Variants in ALG9 observed in about 807,000 individuals in gnomAD.
The protein encoded by ALG9 is ALG9 alpha-1,2-mannosyltransferase, also known as alpha-1,2-mannosyltransferase ALG9.
A neutral mutation model predicts 81.8 loss-of-function variants in ALG9; 55 were observed. The observed-to-expected ratio is 0.67, with a 90% CI of 0.54 to 0.84. The LOEUF is 0.84. Among genes scored for constraint, ALG9 ranks in the 40% least tolerant of loss-of-function variants. The pLI is 0.00. For missense variants in ALG9, 629 were observed against 745.0 expected (o/e 0.84, Z 1.81); for synonymous variants, 278 against 274.3 (o/e 1.01, Z -0.13).
downstream of ALG9, among the ~76,000 whole-genome samples, chr11:111,778,947 T>C (rs1472971440): frequency 1.3e-5 from 2 of 152,048 alleles, no homozygotes; most frequent in Non-Finnish European, 2.9e-5. Flanking sequence ...ACTGAGTAGC[T>C]GGGATTACAG....
chr11:111,845,313 T>A (rs546626844), intron 8 of ALG9: 7 of 155,064 alleles, frequency 4.5e-5, no homozygotes, highest in African/African-American at 1.7e-4. Flanking sequence ...CAAATAAAAA[T>A]AAAAATAAGG....
At chr11:111,788,816 A>T (rs2136205263) in intron 14 of ALG9, among the ~76,000 whole-genome samples, 1 of 152,318 alleles carries the variant, frequency 6.6e-6, no homozygotes, top group African/African-American at 2.4e-5. Context: ...AAAGGGTAGA[A>T]CAGAAAGATG....
At chr11:111,854,354 C>T (rs1306158875) in intron 6 of ALG9, among the ~76,000 whole-genome samples, 4 of 150,794 alleles carry the variant, frequency 2.7e-5, no homozygotes, top group African/African-American at 7.3e-5. Context: ...CTGCAACTGC[C>T]GCCTCCTGGG....
chr11:111,788,702 G>C (rs1555067560), intron 14 of ALG9: 1 of 343,084 alleles, frequency 2.9e-6, no homozygotes, highest in African/African-American at 2.2e-5. Context: ...GCAGTGAGCT[G>C]TGATCATGCC....
intron 13 of ALG9, chr11:111,828,768 C>T (rs1340743071): frequency 6.6e-6 from 1 of 152,082 alleles, no homozygotes; most frequent in African/African-American, 2.4e-5. Flanking sequence ...GTGACAGCCC[C>T]CATTACAGTT....
At chr11:111,848,867 G>A (rs1387334324) in intron 8 of ALG9, among the ~76,000 whole-genome samples, 1 of 152,024 alleles carries the variant, frequency 6.6e-6, no homozygotes, top group Non-Finnish European at 1.5e-5. Flanking sequence ...CAGCTCAAGA[G>A]CCGCACCTTT....
At chr11:111,814,899 C>T (rs1453898644) in intron 13 of ALG9, among the ~76,000 whole-genome samples, 4 of 152,202 alleles carry the variant, frequency 2.6e-5, no homozygotes, top group Non-Finnish European at 4.4e-5. Context: ...TTTACAAGTG[C>T]CATGCCTCTG....
At chr11:111,792,889 CACTA>C (rs1197011155) in intron 14 of ALG9, among the ~76,000 whole-genome samples, 15 of 152,186 alleles carry the variant, frequency 9.9e-5, no homozygotes, top group African/African-American at 3.6e-4. Context: ...CACACAAAGC[CACTA>C]ACTAATTTCT....
intron 8 of ALG9, among the ~76,000 whole-genome samples, chr11:111,850,632 G>A (rs189062832): frequency 2.3e-4 from 34 of 147,646 alleles, no homozygotes; most frequent in Non-Finnish European, 4.1e-4. Flanking sequence ...GCTTGAATCC[G>A]GGAGGCAGAG....
At chr11:111,863,247 A>T (rs1227472423) in intron 4 of ALG9, among the ~76,000 whole-genome samples, 1 of 152,056 alleles carries the variant, frequency 6.6e-6, no homozygotes, top group African/African-American at 2.4e-5. Flanking sequence ...AATCCCAGCT[A>T]CTCAGGAGAC....
chr11:111,798,258 A>G (rs1027665991), intron 14 of ALG9: 5 of 268,496 alleles, frequency 1.9e-5, no homozygotes, highest in South Asian at 3.3e-5. Flanking sequence ...TAAAGGTGAA[A>G]GCAGAGCAAG....
chr11:111,776,010 T>C, the ALG9 span, among the ~76,000 whole-genome samples: 2 of 152,130 alleles, frequency 1.3e-5, no homozygotes, highest in African/African-American at 4.8e-5. Flanking sequence ...ATAATAGTTA[T>C]TGACTTCATA....
chr11:111,844,600 C>T lies in ALG9; in HGVS notation c.1018+1G>A. 27 of 1,613,944 alleles carry T rather than the reference C, an allele frequency of 1.7e-5. No homozygotes were observed. Among genetic ancestry groups the T allele is most frequent in the Non-Finnish European group, 2.2e-5 (26 of 1,179,944 alleles). On this transcript the variant is annotated splice_donor_variant, in intron 9 of 14. Coordinates refer to ENST00000616540, the MANE Select transcript of ALG9 (RefSeq NM_024740.2). LOFTEE classifies it high-confidence loss of function. The stretch of plus-strand genomic sequence containing the variant: ...CACCTACCATCTCTTATGCCACTCA[C>T]CATGAAATCTCTGCAGCAGGTATTC...
intron 4 of ALG9, 124 bp downstream of exon 4, chr11:111,865,057 G>T: frequency 1.4e-6 from 1 of 708,530 alleles, no homozygotes; most frequent in African/African-American, 1.8e-5. Context: ...GATTACAGGT[G>T]TGAGCCACCG....
intron 13 of ALG9, among the ~76,000 whole-genome samples, chr11:111,815,272 G>T (rs898452265): frequency 1.2e-4 from 18 of 152,022 alleles, no homozygotes; most frequent in Non-Finnish European, 2.1e-4. Flanking sequence ...CAGTGTGGTG[G>T]CTCGCACTTG....
At chr11:111,822,682 C>T (rs368635379) in intron 13 of ALG9, among the ~76,000 whole-genome samples, 29 of 151,974 alleles carry the variant, frequency 1.9e-4, no homozygotes, top group African/African-American at 6.5e-4. Flanking sequence ...CACTGCACTC[C>T]AGCCTGGGTG....
chr11:111,813,550 C>CA (rs797024767), intron 13 of ALG9, among the ~76,000 whole-genome samples: 1 of 151,800 alleles, frequency 6.6e-6, no homozygotes, highest in Non-Finnish European at 1.5e-5. Context: ...TGCAGTGAGT[C>CA]AAAAAACATT....
chr11:111,780,466 G>A (rs1486892204), downstream of ALG9, among the ~76,000 whole-genome samples: 1 of 148,998 alleles, frequency 6.7e-6, no homozygotes, highest in African/African-American at 2.5e-5. Context: ...GCGTGATCTT[G>A]GCTCACTGCA....
intron 14 of ALG9, among the ~76,000 whole-genome samples, 175 bp from the exon 15 acceptor site, chr11:111,786,695 G>A (rs782120239): frequency 6.6e-6 from 1 of 152,044 alleles, no homozygotes; most frequent in African/African-American, 2.4e-5. Context: ...AATCAAGGCC[G>A]AGTACCTTGT....
Sources: allele counts gnomAD v4.1 joint callset (sites outside exome capture counted in the v4.1 genomes callset), GRCh38; gene constraint gnomAD v4.1.1; transcripts MANE v1.5; gene names NCBI Gene and HGNC (gene_info 2026-07-23, HGNC 2026-07-21).